The following VPS39 variants were observed in gnomAD, a reference collection of about 807,000 sequenced individuals.
VPS39 encodes the protein vam6/Vps39-like protein.
Under a neutral mutation model 121.0 loss-of-function variants are expected in VPS39, and 70 were observed. The observed-to-expected ratio is 0.58, with a 90% CI of 0.48 to 0.71. VPS39 has a LOEUF of 0.71. Among genes scored for constraint, VPS39 ranks in the 30% least tolerant of loss-of-function variants. The pLI, the probability that VPS39 is intolerant of heterozygous loss-of-function variation, is 0.00. For missense variants in VPS39, 818 were observed against 1,051.5 expected (o/e 0.78, Z 3.07); for synonymous variants, 378 against 398.1 (o/e 0.95, Z 0.60).
intron 17 of VPS39, 158 bp downstream of exon 17, chr15:42,165,554 GCTTGGT>G: frequency 1.8e-6 from 1 of 568,442 alleles, no homozygotes; most frequent in Non-Finnish European, 3.1e-6. Flanking sequence ...AGCATTTCCA[GCTTGGT>G]CTACTGGGAT....
chr15:42,166,880 G>A lies in VPS39; in HGVS notation c.1411C>T (p.Leu471=). The stretch of plus-strand genomic sequence containing the variant: ...TCGATGTGGCAGTGATTGTTCTCCA[G>A]GCGTAGCAAGGGGGCCACCAGGGCC... ...NVALVAPLLR[L]ENNHCHIEES... The change falls in exon 14 of 25, where the codon CTG becomes TTG. Residue 471 remains leucine (L), a synonymous_variant. Coordinates refer to ENST00000318006, the MANE Select transcript of VPS39 (RefSeq NM_015289.5). The A allele has an allele frequency of 1.9e-6, 3 of 1,614,258 alleles. No homozygotes were observed. The highest frequency in any genetic ancestry group is 8.5e-7 in the Non-Finnish European group (1 of 1,180,040).
intron 16 of VPS39, 120 bp from the exon 17 acceptor site, chr15:42,165,936 T>A (rs2049233495): frequency 1.0e-6 from 1 of 995,150 alleles, no homozygotes; most frequent in Non-Finnish European, 1.5e-6. Context: ...CGAGAAGGCA[T>A]CTGTAGGCAG....
At position 42,164,421 on chromosome 15, in the gene VPS39, T is replaced by A; in HGVS notation, c.1963A>T (p.Met655Leu). The change falls in exon 19 of 25, where the codon ATG (methionine) becomes TTG (leucine). Residue 655 changes from methionine (M) to leucine (L), a missense_variant. Met to Leu is a conservative substitution (Grantham distance 15). Coordinates refer to ENST00000318006, the MANE Select transcript of VPS39 (RefSeq NM_015289.5). The part of the protein sequence containing the change: ...ELGEYRQKLL[M>L]FLEISSYYDP... ...TAGTAGCTGGAAATCTCCAAGAACATGAGGAGCTTTTGCCGGTATTCTCCC... is the reference window on the plus strand; with the variant it reads ...TAGTAGCTGGAAATCTCCAAGAACAAGAGGAGCTTTTGCCGGTATTCTCCC... 1 of 1,614,142 alleles carries A rather than the reference T, an allele frequency of 6.2e-7. No individual in the cohort carries two copies. Among genetic ancestry groups the A allele is most frequent in the East Asian group, 2.2e-5 (1 of 44,882 alleles).
At chr15:42,173,341 T>A (rs1211484936) in intron 11 of VPS39, among the ~76,000 whole-genome samples, 1 of 152,268 alleles carries the variant, frequency 6.6e-6, no homozygotes, top group Non-Finnish European at 1.5e-5. Context: ...AAGAGCTTCA[T>A]GGCACTGCCC....
intron 7 of VPS39, among the ~76,000 whole-genome samples, chr15:42,185,377 G>T (rs2140870610): frequency 6.6e-6 from 1 of 151,866 alleles, no homozygotes; most frequent in African/African-American, 2.4e-5. Flanking sequence ...TAGAGATGGG[G>T]TTTCACCGTG....
At chr15:42,168,972 T>C (rs551603626) in intron 12 of VPS39, among the ~76,000 whole-genome samples, 79 of 152,308 alleles carry the variant, frequency 5.2e-4, no homozygotes, top group Non-Finnish European at 8.7e-4. Context: ...AAATAAACAA[T>C]AGCCTTCTGT....
At chr15:42,203,491 T>G (rs892649929) in intron 1 of VPS39, among the ~76,000 whole-genome samples, 14 of 146,598 alleles carry the variant, frequency 9.5e-5, no homozygotes, top group African/African-American at 3.7e-4. Flanking sequence ...AAAAAAAAAT[T>G]AGCCAGGTGT....
chr15:42,207,140 G>C (rs1023562987), intron 1 of VPS39, among the ~76,000 whole-genome samples: 8 of 152,072 alleles, frequency 5.3e-5, no homozygotes, highest in African/African-American at 1.9e-4. Flanking sequence ...GTGACACTGT[G>C]AACAGCTGAC....
At chr15:42,185,265 G>A (rs916203022) in intron 7 of VPS39, among the ~76,000 whole-genome samples, 3 of 146,210 alleles carry the variant, frequency 2.1e-5, no homozygotes, top group African/African-American at 5.1e-5. Flanking sequence ...TGCAACCTCC[G>A]CCTCCTGGGT....
Position 42,160,223 on chromosome 15 carries a change from C to G in VPS39, c.*531G>C, listed in dbSNP as rs2049101780. ...GTGAGAAAGAAAAGGAGACTGAAAA[C>G]TAACAGGGCGGCTACCGAGGGGTGC... On this transcript the variant is annotated 3_prime_UTR_variant, in exon 25 of 25. Coordinates refer to ENST00000318006, the MANE Select transcript of VPS39 (RefSeq NM_015289.5). 6.5e-6 allele frequency: 1 copy of G among 152,728 alleles called. No individual in the cohort carries two copies. Among genetic ancestry groups the G allele is most frequent in the Non-Finnish European group, 1.5e-5 (1 of 68,458 alleles). 9.5% of individuals were successfully genotyped at this position (152,728 alleles called of 1,614,324 possible). A position where few individuals can be genotyped will look rare whatever the true frequency, so the allele number is the denominator to read the frequency against.
Position 42,165,793 on chromosome 15 carries a change from T to C in VPS39, c.1704A>G (p.Glu568=), listed in dbSNP as rs781117382. ...GLKIFTEDLP[E]VESLPRDRVL... Reference sequence around the variant, plus strand: ...CTCGATCACGTGGCAGAGACTCCACTTCCGGGAGATCTTCAGTAAATATCT... The same window carrying C: ...CTCGATCACGTGGCAGAGACTCCACCTCCGGGAGATCTTCAGTAAATATCT... The change falls in exon 17 of 25, where the codon GAA becomes GAG. Residue 568 remains glutamate (E), a synonymous_variant. Transcript: ENST00000318006. 1 of 1,614,178 alleles carries C rather than the reference T, an allele frequency of 6.2e-7. No homozygotes were observed. Among genetic ancestry groups the C allele is most frequent in the Non-Finnish European group, 8.5e-7 (1 of 1,180,022 alleles).
rs369743808 is a variant in VPS39, at chr15:42,203,011, T to C, written c.74-3050A>G. 5.3e-5 allele frequency among the ~76,000 whole-genome samples: 8 copies of C among 152,130 alleles called. No individual in the cohort carries two copies. In the East Asian group the frequency reaches 1.3e-3, roughly 26 times the overall value. On this transcript the variant is annotated intron_variant, in intron 1 of 24. Transcript: ENST00000318006. ...TTTCTTGCCAATAGATTTTTTAATTTACTTTTTTTTTTTCTTGTGAACCCA... is the reference window on the plus strand; with the variant it reads ...TTTCTTGCCAATAGATTTTTTAATTCACTTTTTTTTTTTCTTGTGAACCCA...
intron 1 of VPS39, among the ~76,000 whole-genome samples, chr15:42,203,782 T>C (rs1205309947): frequency 3.3e-5 from 5 of 152,266 alleles, no homozygotes; most frequent in African/African-American, 9.6e-5. Flanking sequence ...ACCTGTCCCA[T>C]GTTGGGTCCT....
At chr15:42,174,041 A>AT (rs746039428) in intron 10 of VPS39, among the ~76,000 whole-genome samples, 189 bp from the exon 11 acceptor site, 88 of 151,962 alleles carry the variant, frequency 5.8e-4, no homozygotes, top group Admixed American at 2.9e-3. Flanking sequence ...AGGTCAGGAG[A>AT]TTGAGACCAT....
At chr15:42,195,129 GCCCTCTC>G (rs1248663186) in intron 2 of VPS39, among the ~76,000 whole-genome samples, 12 of 152,044 alleles carry the variant, frequency 7.9e-5, no homozygotes, top group African/African-American at 2.7e-4. Context: ...ACAAATCTAA[GCCCTCTC>G]AGTTCAAAAT....
intron 7 of VPS39, among the ~76,000 whole-genome samples, chr15:42,185,254 C>A (rs992160503): frequency 6.6e-6 from 1 of 151,126 alleles, no homozygotes; most frequent in Admixed American, 6.6e-5. Context: ...TCTCAGCTCA[C>A]TGCAACCTCC....
intron 12 of VPS39, among the ~76,000 whole-genome samples, chr15:42,167,840 A>T (rs2140842133): frequency 6.6e-6 from 1 of 152,356 alleles, no homozygotes; most frequent in South Asian, 2.1e-4. Flanking sequence ...CAGCTGCTAC[A>T]TAAGGGGTAG....
At chr15:42,197,872 G>A (rs748133721) in intron 2 of VPS39, among the ~76,000 whole-genome samples, 55 of 152,012 alleles carry the variant, frequency 3.6e-4, no homozygotes, top group Non-Finnish European at 5.6e-4. Context: ...TAATTCACAC[G>A]GGCCCAGGTC....
chr15:42,189,318 G>T, intron 4 of VPS39, 110 bp from the exon 5 acceptor site: 1 of 762,000 alleles, frequency 1.3e-6, no homozygotes. Context: ...GCAAATGGCA[G>T]ATGTTGGTTG....
Sources: gnomAD v4.1 joint callset for allele counts (sites outside exome capture counted in the v4.1 genomes callset) on GRCh38, gnomAD v4.1.1 for gene constraint, MANE v1.5 for transcripts, NCBI Gene and HGNC (gene_info 2026-07-23, HGNC 2026-07-21) for gene names.